Variants in FHAD1 observed in about 807,000 individuals in gnomAD.
The protein encoded by FHAD1 is forkhead-associated domain-containing protein 1.
A neutral mutation model predicts 191.3 loss-of-function variants in FHAD1; 146 were observed. The ratio of observed to expected loss-of-function variants is 0.76; its 90% confidence interval spans 0.67 to 0.88. The LOEUF (loss-of-function observed/expected upper bound fraction) is 0.88, where lower values mean the gene tolerates loss of function less well. Among genes scored for constraint, FHAD1 ranks in the 40% least tolerant of loss-of-function variants. The probability of loss-of-function intolerance (pLI) is 0.00; values close to 1 mark genes in which losing one functional copy is unlikely to be tolerated. For synonymous variants in FHAD1, 616 were observed against 672.3 expected (o/e 0.92, Z 1.29); for missense variants, 1,635 against 1,785.8 (o/e 0.92, Z 1.52).
At chr1:15,375,815 A>G in intron 28 of FHAD1, 85 bp downstream of exon 28, 3 of 1,381,482 alleles carry the variant, frequency 2.2e-6, no homozygotes, top group Non-Finnish European at 2.9e-6. Context: ...TCCCTGGCAC[A>G]GCCATACATG....
intron 2 of FHAD1, among the ~76,000 whole-genome samples, chr1:15,257,370 C>G (rs922646301): frequency 6.6e-6 from 1 of 152,236 alleles, no homozygotes; most frequent in Non-Finnish European, 1.5e-5. Flanking sequence ...CCATGCTATG[C>G]GTGAACCCCT....
Position 15,296,575 on chromosome 1 carries a change from A to G in FHAD1, c.569-109A>G, listed in dbSNP as rs934757567. 2.8e-6 allele frequency: 3 copies of G among 1,060,352 alleles called. No homozygotes were observed. The African/African-American group carries it at 4.7e-5, about 17-fold the overall frequency. The allele number at this position is 1,060,352 out of a possible 1,614,324, so 65.7% of individuals were successfully genotyped here. On this transcript the variant is annotated intron_variant, in intron 4 of 33. Transcript: ENST00000688493. The stretch of plus-strand genomic sequence containing the variant: ...GCCTTTAATTTTTAAATTACATAAA[A>G]TATCAATCTCTGGGGGGAAACAAAC...
At chr1:15,358,422 G>A (rs988625261) in intron 21 of FHAD1, 139 bp downstream of exon 21, 9 of 797,074 alleles carry the variant, frequency 1.1e-5, no homozygotes, top group Non-Finnish European at 1.8e-5. Flanking sequence ...TTTCCTGTCA[G>A]GGGCTGTCCT....
Position 15,360,804 on chromosome 1 carries a change from C to T in FHAD1, c.2962+101C>T, listed in dbSNP as rs893252278. The T allele has an allele frequency of 3.3e-5, 31 of 940,198 alleles. No individual in the cohort carries two copies. In the Admixed American group the frequency reaches 4.8e-4, roughly 15 times the overall value. 58.2% of individuals were successfully genotyped at this position (940,198 alleles called of 1,614,324 possible). ...GATGGCTAAGAAAAAGGCCGTGCCT[C>T]ATTCGAAAGCTCATTCATTCTCTGA... On this transcript the variant is annotated intron_variant, in intron 22 of 33. Transcript: ENST00000688493.
chr1:15,286,639 T>C (rs1336798001), intron 3 of FHAD1, among the ~76,000 whole-genome samples: 1 of 152,224 alleles, frequency 6.6e-6, no homozygotes, highest in African/African-American at 2.4e-5. Flanking sequence ...TTGGCTCTGA[T>C]TGGATCACAT....
At chr1:15,304,959 C>A (rs564853071) in intron 6 of FHAD1, among the ~76,000 whole-genome samples, 22 of 151,734 alleles carry the variant, frequency 1.4e-4, no homozygotes, top group African/African-American at 4.4e-4. Flanking sequence ...TTGTCGGGGT[C>A]CCCCCCGACT....
In FHAD1 at chr1:15,345,160, A is replaced by G. The variant is rs780985840; in HGVS notation, c.2208A>G (p.Glu736=). The change falls in exon 17 of 34, where the codon GAA becomes GAG. Residue 736 remains glutamate, a synonymous_variant. Transcript: ENST00000688493. The part of the protein sequence containing the change: ...TLEEERKRMQ[E]LESLLAQQKK... ...AGGAAGAACGGAAGAGAATGCAAGA[A>G]CTGGAGAGCCTCCTGGCCCAGCAGA... 7 of 1,551,774 alleles carry G rather than the reference A, an allele frequency of 4.5e-6. No individual in the cohort carries two copies. The highest frequency in any genetic ancestry group is 3.5e-6 in the Non-Finnish European group (4 of 1,147,022).
intron 15 of FHAD1, among the ~76,000 whole-genome samples, chr1:15,340,544 A>G (rs1569717300): frequency 6.6e-6 from 1 of 152,152 alleles, no homozygotes; most frequent in Admixed American, 6.5e-5. Context: ...GCCCAATCAC[A>G]TAGTGTTTTT....
intron 2 of FHAD1, among the ~76,000 whole-genome samples, chr1:15,262,726 A>G (rs6676330): frequency 0.71 from 107,981 of 152,210 alleles, 39,351 homozygotes; most frequent in East Asian, 0.95. Flanking sequence ...TGCTTTCACC[A>G]TTTGGCTACT....
At chr1:15,308,023 C>T (rs1331728291) in intron 6 of FHAD1, among the ~76,000 whole-genome samples, 1 of 152,210 alleles carries the variant, frequency 6.6e-6, no homozygotes, top group African/African-American at 2.4e-5. Context: ...AGCCACTGCG[C>T]CCGGCCTAAA....
intron 18 of FHAD1, among the ~76,000 whole-genome samples, chr1:15,345,797 T>G (rs114910734): frequency 3.0e-3 from 451 of 152,184 alleles, no homozygotes; most frequent in African/African-American, 0.011. Context: ...AATGGTGACA[T>G]GGGCGTCTTC....
In FHAD1 at chr1:15,312,626, T is replaced by C. The variant is rs12088995; in HGVS notation, c.1040-431T>C. Among the ~76,000 whole-genome samples the C allele has an allele frequency of 0.2, 30,588 of 152,194 alleles. 6,569 individuals carry two copies. Among genetic ancestry groups the C allele is most frequent in the African/African-American group, 0.54 (22,593 of 41,492 alleles). On this transcript the variant is annotated intron_variant, in intron 7 of 33. Transcript: ENST00000688493. The surrounding 1 kb of genome is among the most constrained non-coding windows in gnomAD (Gnocchi z 4.7). The stretch of plus-strand genomic sequence containing the variant: ...GTAGTGAACCATGATCGTGCCACTG[T>C]ACTCCAGCCTGGGTGACAGAGTAAG...
chr1:15,356,142 A>G (rs530344232), intron 20 of FHAD1, among the ~76,000 whole-genome samples: 122 of 152,292 alleles, frequency 8.0e-4, no homozygotes, highest in African/African-American at 2.8e-3. Context: ...TTCGGATGCT[A>G]TTTTTGATAT....
At chr1:15,375,821 AC>A in intron 28 of FHAD1, 91 bp downstream of exon 28, 3 of 1,356,384 alleles carry the variant, frequency 2.2e-6, no homozygotes, top group Non-Finnish European at 2.9e-6. Context: ...GCACAGCCAT[AC>A]ATGTCAGTGG....
rs566279442 is a variant in FHAD1 at position 15,238,193 on chromosome 1, G to GCCTCGGCT, written c.-15+1434_-15+1435insTCGGCTCC. On this transcript the variant is annotated intron_variant, in intron 1 of 33. Transcript: ENST00000683790. ...ACCCGGGAGGCAGAAGTTATAGTGA[G>GCCTCGGCT]CCGAGACTGCACCACTGCACTCCAG... Among the ~76,000 whole-genome samples the GCCTCGGCT allele has an allele frequency of 1.4e-4, 20 of 144,282 alleles. No individual in the cohort carries two copies. In the South Asian group the frequency reaches 4.5e-3, roughly 32 times the overall value. 94.7% of individuals were successfully genotyped at this position (144,282 alleles called of 152,430 possible).
At chr1:15,333,127 G>A (rs1218175700) in intron 14 of FHAD1, among the ~76,000 whole-genome samples, 13 of 152,180 alleles carry the variant, frequency 8.5e-5, no homozygotes, top group Non-Finnish European at 4.4e-5. Context: ...AGTAAGCAGG[G>A]CCCATCTTTT....
At chr1:15,344,993 G>A (rs1438845679) in intron 16 of FHAD1, 90 bp from the exon 17 acceptor site, 2 of 957,606 alleles carry the variant, frequency 2.1e-6, no homozygotes, top group African/African-American at 3.3e-5. Context: ...GTGCGGTGAG[G>A]AGTGAAGAGG....
rs568437940 is a variant in FHAD1, at chr1:15,274,235, T to C, written c.300+1706T>C. On this transcript the variant is annotated intron_variant, in intron 3 of 33. Coordinates refer to ENST00000688493, the MANE Select transcript of FHAD1 (RefSeq NM_001391957.1). ...ACAAATTTGGGGAGGGGTATTTTGT[T>C]TTAATCACATAAGTGTGTCACCCAG... Among the ~76,000 whole-genome samples the C allele has an allele frequency of 4.6e-5, 7 of 152,294 alleles. No individual in the cohort carries two copies. In the South Asian group the frequency reaches 1.5e-3, roughly 32 times the overall value.
intron 4 of FHAD1, among the ~76,000 whole-genome samples, chr1:15,291,240 T>C (rs545031): frequency 0.39 from 59,497 of 151,138 alleles, 11,867 homozygotes; most frequent in South Asian, 0.52. Context: ...CACCACCATG[T>C]TCAGCTAATT....
Sources: gnomAD v4.1 joint callset for allele counts (sites outside exome capture counted in the v4.1 genomes callset) on GRCh38, gnomAD v4.1.1 for gene constraint, Gnocchi (gnomAD v3.1) non-coding constraint, MANE v1.5 for transcripts, NCBI Gene and HGNC (gene_info 2026-07-23, HGNC 2026-07-21) for gene names.